SNAPC3: variants seen among roughly 807,000 people sequenced by gnomAD.
SNAPC3 encodes the protein small nuclear RNA activating complex polypeptide 3, also known as snRNA-activating protein complex subunit 3.
SNAPC3 carries 56 observed loss-of-function variants against 47.7 expected under a neutral mutation model. That is an observed-to-expected ratio of 1.18 (90% CI 0.95 to 1.47). SNAPC3 has a LOEUF of 1.47. Ranked by LOEUF, SNAPC3 falls within the 40% of genes most tolerant of loss-of-function variation. SNAPC3 has a pLI of 0.00. For synonymous variants in SNAPC3, 235 were observed against 189.9 expected (o/e 1.24, Z -1.95); for missense variants, 665 against 511.3 (o/e 1.30, Z -2.90).
At position 15,444,074 on chromosome 9, in the gene SNAPC3, G is replaced by A. The variant is rs2033733767; in HGVS notation, c.478-528G>A. On this transcript the variant is annotated intron_variant, in intron 3 of 8. Coordinates refer to ENST00000380821, the MANE Select transcript of SNAPC3 (RefSeq NM_001039697.2). Reference sequence around the variant, plus strand: ...CCTGCATCTAAACCAGTTCAGCCTGGCCCCTATTTTATATTAATTTAGCAC... The same window carrying A: ...CCTGCATCTAAACCAGTTCAGCCTGACCCCTATTTTATATTAATTTAGCAC... Among the ~76,000 whole-genome samples, 3 of 152,146 alleles carry A rather than the reference G, an allele frequency of 2.0e-5. No individual in the cohort carries two copies. The South Asian group carries it at 6.2e-4, about 32-fold the overall frequency.
chr9:15,454,664 C>A (rs779348704), intron 7 of SNAPC3, among the ~76,000 whole-genome samples: 7 of 152,004 alleles, frequency 4.6e-5, no homozygotes, highest in African/African-American at 2.4e-5. Flanking sequence ...TGGGCCAGGC[C>A]CGGTGGCTCA....
intron 2 of SNAPC3, among the ~76,000 whole-genome samples, chr9:15,427,631 G>T (rs1206327511): frequency 1.3e-5 from 2 of 152,176 alleles, no homozygotes; most frequent in Non-Finnish European, 2.9e-5. Flanking sequence ...ACAGGCGTGA[G>T]CCACGACGCC....
chr9:15,441,043 C>A (rs2033302783), intron 3 of SNAPC3, among the ~76,000 whole-genome samples: 1 of 151,882 alleles, frequency 6.6e-6, no homozygotes, highest in Non-Finnish European at 1.5e-5. Flanking sequence ...GAGAAAACTC[C>A]TGTTAATCTT....
chr9:15,449,030 G>A (rs532399989), intron 5 of SNAPC3, among the ~76,000 whole-genome samples: 18 of 152,086 alleles, frequency 1.2e-4, no homozygotes, highest in African/African-American at 3.6e-4. Context: ...AGCTGGTGTC[G>A]AACTCCTGAC....
intron 2 of SNAPC3, chr9:15,431,906 T>C (rs1321841663): frequency 1.3e-5 from 2 of 149,624 alleles, no homozygotes; most frequent in African/African-American, 4.9e-5. Context: ...TTTTTTTTTT[T>C]TGAGCACTTC....
chr9:15,429,724 A>G (rs2031894874), intron 2 of SNAPC3, among the ~76,000 whole-genome samples: 1 of 152,236 alleles, frequency 6.6e-6, no homozygotes, highest in African/African-American at 2.4e-5. Flanking sequence ...AGCTATTACA[A>G]CAAAATACAA....
intron 3 of SNAPC3, among the ~76,000 whole-genome samples, chr9:15,437,474 C>G (rs1027099168): frequency 2.0e-5 from 3 of 152,096 alleles, no homozygotes; most frequent in Admixed American, 1.3e-4. Context: ...CTCAGGTGAT[C>G]CACCCACCTT....
At position 15,461,395 on chromosome 9, in the gene SNAPC3, C is replaced by G. The variant is rs2035211982; in HGVS notation, c.*1529C>G. The G allele has an allele frequency of 6.6e-6, 1 of 152,170 alleles. No individual in the cohort carries two copies. The highest frequency in any genetic ancestry group is 2.4e-5 in the African/African-American group (1 of 41,448). The allele number at this position is 152,170 out of a possible 1,614,324, so 9.4% of individuals were successfully genotyped here. A position where few individuals can be genotyped will look rare whatever the true frequency, so the allele number is the denominator to read the frequency against. On this transcript the variant is annotated 3_prime_UTR_variant, in exon 9 of 9. Transcript: ENST00000380821. Reference sequence around the variant, plus strand: ...CAGAATAGTCTCGAACTCCTGACCTCAAGTGATCCATCCGCCTTGGCCTCC... The same window carrying G: ...CAGAATAGTCTCGAACTCCTGACCTGAAGTGATCCATCCGCCTTGGCCTCC...
rs374095519 is a variant in SNAPC3, at chr9:15,453,152, C to A, written c.927C>A (p.Tyr309Ter). The change falls in exon 7 of 9, where the codon TAC (tyrosine) becomes TAA (stop). Residue 309 changes from tyrosine (Y) to a stop codon, truncating the protein, a stop_gained. Transcript: ENST00000380821. LOFTEE classifies it high-confidence loss of function. Reference sequence around the variant, plus strand: ...TGTGTATTAAACTGGGTTTTCCTTACTTATACTGTCATCAGGGAGACTGTG... The same window carrying A: ...TGTGTATTAAACTGGGTTTTCCTTAATTATACTGTCATCAGGGAGACTGTG... ...NDLCIKLGFP[Y>*]LYCHQGDCEH... is the part of the protein sequence containing the mutation. The A allele has an allele frequency of 1.7e-5, 28 of 1,613,250 alleles. No individual in the cohort carries two copies. The highest frequency in any genetic ancestry group is 2.3e-5 in the Non-Finnish European group (27 of 1,179,300).
chr9:15,430,036 A>G (rs1233016763), intron 2 of SNAPC3, among the ~76,000 whole-genome samples: 3 of 152,260 alleles, frequency 2.0e-5, no homozygotes, highest in African/African-American at 4.8e-5. Context: ...GTACGTATAC[A>G]TAAAATTTGC....
rs1207934276 is a variant in SNAPC3 at position 15,442,856 on chromosome 9, G to A, written c.478-1746G>A. ...GGAGGTTGTAGCAAGCCGAGATCAC[G>A]CCACTGCACTCCAGCCTGGGCAACA... On this transcript the variant is annotated intron_variant, in intron 3 of 8. Coordinates refer to ENST00000380821, the MANE Select transcript of SNAPC3 (RefSeq NM_001039697.2). 3.9e-5 allele frequency among the ~76,000 whole-genome samples: 6 copies of A among 152,246 alleles called. 1 individual carries two copies. The highest frequency in any genetic ancestry group is 3.4e-3 in the Middle Eastern group (1 of 292).
In SNAPC3 at chr9:15,453,187, T is replaced by C. The variant is rs767727295; in HGVS notation, c.962T>C (p.Ile321Thr). 4 of 1,612,214 alleles carry C rather than the reference T, an allele frequency of 2.5e-6. No individual in the cohort carries two copies. The East Asian group carries it at 8.9e-5, about 36-fold the overall frequency. The stretch of plus-strand genomic sequence containing the variant: ...CATCAGGGAGACTGTGAACATGTCA[T>C]TGTCATTACTGACATAAGGTAGGTG... Reference protein sequence around the residue: ...YCHQGDCEHVIVITDIRLVHH... With the variant: ...YCHQGDCEHVTVITDIRLVHH... Residue 321 changes from isoleucine to threonine, a missense_variant, in exon 7 of 9, where the codon ATT becomes ACT. Transcript: ENST00000380821.
chr9:15,456,830 C>A (rs6474923), intron 7 of SNAPC3, among the ~76,000 whole-genome samples: 137,867 of 152,280 alleles, frequency 0.91, 62,660 homozygotes, highest in African/African-American at 0.93. Flanking sequence ...TTTAAAAGGC[C>A]ATTTATAGAA....
intron 3 of SNAPC3, among the ~76,000 whole-genome samples, chr9:15,437,523 G>A (rs1237287059): frequency 6.6e-5 from 10 of 152,084 alleles, no homozygotes; most frequent in African/African-American, 1.4e-4. Context: ...GTGAGCCACC[G>A]CACCCGGCCC....
intron 7 of SNAPC3, among the ~76,000 whole-genome samples, chr9:15,456,261 C>T (rs1332153979): frequency 6.6e-6 from 1 of 152,000 alleles, no homozygotes; most frequent in Non-Finnish European, 1.5e-5. Flanking sequence ...CCGCCCATGT[C>T]GGCCTCCCAA....
chr9:15,452,997 G>A (rs2034504607), intron 6 of SNAPC3, 44 bp from the exon 7 acceptor site: 1 of 1,509,924 alleles, frequency 6.6e-7, no homozygotes, highest in African/African-American at 1.4e-5. Flanking sequence ...TAGTTTTTAA[G>A]TTTTTGTGGA....
rs927444736 is a variant in SNAPC3, at chr9:15,447,550, G to A, written c.732+306G>A. 2.0e-5 allele frequency among the ~76,000 whole-genome samples: 3 copies of A among 151,776 alleles called. No individual in the cohort carries two copies. The East Asian group carries it at 5.8e-4, about 29-fold the overall frequency. ...TTGTTTTTTGTTTTTTTGAGACAGA[G>A]TCTCGCTCTGCCGCCCAGGCTGGAG... On this transcript the variant is annotated intron_variant, in intron 5 of 8. Coordinates refer to ENST00000380821, the MANE Select transcript of SNAPC3 (RefSeq NM_001039697.2).
At chr9:15,424,027 T>G in intron 2 of SNAPC3, 41 bp downstream of exon 2, 5 of 1,166,120 alleles carry the variant, frequency 4.3e-6, no homozygotes, top group Non-Finnish European at 6.1e-6. Flanking sequence ...TATTTAAACA[T>G]TTTTTCAACA....
intron 2 of SNAPC3, among the ~76,000 whole-genome samples, chr9:15,424,651 A>G (rs1236339306): frequency 6.6e-6 from 1 of 152,236 alleles, no homozygotes; most frequent in East Asian, 1.9e-4. Context: ...TGGTTAACAA[A>G]TAGGTCATAG....
Sources: gnomAD v4.1 joint callset for allele counts (sites outside exome capture counted in the v4.1 genomes callset) on GRCh38, gnomAD v4.1.1 for gene constraint, MANE v1.5 for transcripts, NCBI Gene and HGNC (gene_info 2026-07-23, HGNC 2026-07-21) for gene names.